UBR1: variants seen among roughly 807,000 people sequenced by gnomAD.
The protein encoded by UBR1 is ubiquitin protein ligase E3 component n-recognin 1, also known as E3 ubiquitin-protein ligase UBR1.
In UBR1, 102 loss-of-function variants were observed where a neutral mutation model predicts 242.1. The observed-to-expected ratio is 0.42, with a 90% CI of 0.36 to 0.50. The LOEUF is 0.50. Ranked by LOEUF, UBR1 falls within the 20% of genes least tolerant of loss-of-function variation. The probability of loss-of-function intolerance (pLI) is 0.01; values close to 1 mark genes in which losing one functional copy is unlikely to be tolerated. For synonymous variants in UBR1, 675 were observed against 684.8 expected, an observed-to-expected ratio of 0.99 and a Z score of 0.22; for missense variants, 1,772 against 2,101.8, an observed-to-expected ratio of 0.84 and a Z score of 3.07.
At chr15:43,070,726 T>G (rs747944703) in intron 5 of UBR1, 69 bp downstream of exon 5, 50 of 1,599,056 alleles carry the variant, frequency 3.1e-5, no homozygotes, top group Non-Finnish European at 3.7e-5. Context: ...CAAAAACAAT[T>G]ATCAAACACA....
chr15:43,018,675 G>A (rs2033063064), intron 27 of UBR1, among the ~76,000 whole-genome samples: 1 of 152,172 alleles, frequency 6.6e-6, no homozygotes, highest in East Asian at 1.9e-4. Context: ...ATAGGTGTGA[G>A]TCACTGTGCC....
At chr15:43,015,253 T>C (rs1347888424) in intron 29 of UBR1, among the ~76,000 whole-genome samples, 1 of 152,172 alleles carries the variant, frequency 6.6e-6, no homozygotes, top group East Asian at 1.9e-4. Flanking sequence ...TGTGTCTGTG[T>C]AGAAAGAAGT....
At chr15:43,068,685 A>G (rs1355851545) in intron 5 of UBR1, among the ~76,000 whole-genome samples, 3 of 152,008 alleles carry the variant, frequency 2.0e-5, no homozygotes, top group African/African-American at 7.3e-5. Flanking sequence ...CGGTGGCGCA[A>G]TCTTAGCTCA....
In UBR1 at chr15:43,015,511, G is replaced by T. The variant is rs1474036303; in HGVS notation, c.3209+177C>A. Reference sequence around the variant, plus strand: ...CCCAGGGTCACAAACACTGCGGAAGGCCGCAGGGTCCTCTGCCTAGGAAAA... The same window carrying T: ...CCCAGGGTCACAAACACTGCGGAAGTCCGCAGGGTCCTCTGCCTAGGAAAA... On this transcript the variant is annotated intron_variant, in intron 29 of 46. Transcript: ENST00000290650. 5 of 618,270 alleles carry T rather than the reference G, an allele frequency of 8.1e-6. No individual in the cohort carries two copies. The East Asian group carries it at 1.4e-4, about 17-fold the overall frequency. The allele number at this position is 618,270 out of a possible 1,614,324, so 38.3% of individuals were successfully genotyped here. A position where few individuals can be genotyped will look rare whatever the true frequency, so the allele number is the denominator to read the frequency against.
chr15:42,966,077 T>G (rs1358403926), intron 41 of UBR1, 76 bp downstream of exon 41: 2 of 1,603,232 alleles, frequency 1.2e-6, no homozygotes, highest in African/African-American at 1.3e-5. Flanking sequence ...TGCTTTAACC[T>G]TGTATTCATG....
chr15:42,963,979 C>A lies in UBR1; in HGVS notation c.4656G>T (p.Leu1552=), dbSNP rs1053735529. 1 of 1,613,558 alleles carries A rather than the reference C, an allele frequency of 6.2e-7. No homozygotes were observed. The highest frequency in any genetic ancestry group is 8.5e-7 in the Non-Finnish European group (1 of 1,179,722). The change falls in exon 42 of 47, where the codon CTG becomes CTT. Residue 1552 remains leucine, a synonymous_variant. Coordinates refer to ENST00000290650, the MANE Select transcript of UBR1 (RefSeq NM_174916.3). ...CAGTATCCCAATATTCCTGGAAGAG[C>A]AGGAACAAATTTGTAGGTAAAGATA... The part of the protein sequence containing the change: ...SYLSLPTNLF[L]LFQEYWDTVR...
intron 3 of UBR1, among the ~76,000 whole-genome samples, chr15:43,079,819 G>A (rs1391738219): frequency 6.6e-6 from 1 of 152,080 alleles, no homozygotes; most frequent in Non-Finnish European, 1.5e-5. Context: ...AAAGTCCTGA[G>A]GGTATTCAGG....
intron 1 of UBR1, among the ~76,000 whole-genome samples, chr15:43,096,611 T>A (rs2034165068): frequency 6.6e-6 from 1 of 152,204 alleles, no homozygotes; most frequent in African/African-American, 2.4e-5. Flanking sequence ...TGCGGCTGCT[T>A]TATCAACTAT....
chr15:43,057,972 C>T (rs956093126), intron 10 of UBR1, among the ~76,000 whole-genome samples: 1 of 151,362 alleles, frequency 6.6e-6, no homozygotes, highest in African/African-American at 2.4e-5. Context: ...GGCAGTGGCG[C>T]GATCTTGGCT....
At chr15:43,056,225 C>G (rs1341829122) in intron 11 of UBR1, 119 bp downstream of exon 11, 3 of 830,412 alleles carry the variant, frequency 3.6e-6, no homozygotes, top group Non-Finnish European at 6.1e-6. Flanking sequence ...CTAAAGTATT[C>G]ACATAGCCCA....
At chr15:43,045,149 A>G (rs1031369794) in intron 14 of UBR1, among the ~76,000 whole-genome samples, 2 of 152,164 alleles carry the variant, frequency 1.3e-5, no homozygotes, top group South Asian at 4.1e-4. Context: ...AAATGATGAC[A>G]GGTCCATTTA....
intron 3 of UBR1, among the ~76,000 whole-genome samples, chr15:43,079,164 C>A (rs1413466804): frequency 6.6e-6 from 1 of 151,382 alleles, no homozygotes; most frequent in African/African-American, 2.4e-5. Context: ...CAACGGAACA[C>A]AACTAACATT....
At chr15:43,036,504 A>G (rs764517571) in intron 18 of UBR1, 24 bp downstream of exon 18, 5 of 1,525,356 alleles carry the variant, frequency 3.3e-6, no homozygotes, top group Non-Finnish European at 3.6e-6. Flanking sequence ...AGACACAAAT[A>G]TCAGAAACAA....
At chr15:43,075,993 G>T in intron 3 of UBR1, among the ~76,000 whole-genome samples, 1 of 132,154 alleles carries the variant, frequency 7.6e-6, no homozygotes, top group South Asian at 2.5e-4. Context: ...CTCTCTCCAC[G>T]GTCTCCTTCC....
intron 5 of UBR1, among the ~76,000 whole-genome samples, chr15:43,069,575 T>C (rs575232169): frequency 4.6e-5 from 7 of 152,344 alleles, no homozygotes; most frequent in African/African-American, 1.7e-4. Context: ...GCGCCCGGCC[T>C]ATGTTCCCAG....
chr15:43,049,549 T>A (rs62020748), intron 12 of UBR1, among the ~76,000 whole-genome samples: 1 of 152,018 alleles, frequency 6.6e-6, no homozygotes, highest in Non-Finnish European at 1.5e-5. Context: ...GGTGACAGCA[T>A]GACACACAAA....
chr15:43,010,801 C>T (rs1043154365), intron 29 of UBR1, among the ~76,000 whole-genome samples: 10 of 130,836 alleles, frequency 7.6e-5, no homozygotes, highest in African/African-American at 2.3e-4. Flanking sequence ...GGTGAAACCC[C>T]ATCTCTACTA....
At chr15:42,972,298 T>C (rs1239839460) in intron 39 of UBR1, among the ~76,000 whole-genome samples, 1 of 152,206 alleles carries the variant, frequency 6.6e-6, no homozygotes, top group Non-Finnish European at 1.5e-5. Flanking sequence ...TCAAATTGAC[T>C]TATTTTAGCT....
intron 27 of UBR1, among the ~76,000 whole-genome samples, chr15:43,020,500 A>G (rs2033095637): frequency 6.6e-6 from 1 of 152,216 alleles, no homozygotes. Context: ...GATTACTGCA[A>G]CAGTCTCCTA....
Sources: allele counts gnomAD v4.1 joint callset (sites outside exome capture counted in the v4.1 genomes callset), GRCh38; gene constraint gnomAD v4.1.1; transcripts MANE v1.5; gene names NCBI Gene and HGNC (gene_info 2026-07-23, HGNC 2026-07-21).